CSMD3: variants seen among roughly 807,000 people sequenced by gnomAD.
The protein encoded by CSMD3 is CUB and sushi domain-containing protein 3.
Under a neutral mutation model 435.2 loss-of-function variants are expected in CSMD3, and 177 were observed. The ratio of observed to expected loss-of-function variants is 0.41; its 90% confidence interval spans 0.36 to 0.46. The LOEUF (loss-of-function observed/expected upper bound fraction) is 0.46. Ranked by LOEUF, CSMD3 falls within the 20% of genes least tolerant of loss-of-function variation. CSMD3 has a pLI of 0.34. For synonymous variants in CSMD3, 1,656 were observed against 1,520.5 expected (o/e 1.09, Z -2.07); for missense variants, 4,265 against 4,504.6 (o/e 0.95, Z 1.52).
intron 32 of CSMD3, among the ~76,000 whole-genome samples, chr8:112,469,209 G>T: frequency 7.4e-6 from 1 of 135,202 alleles, no homozygotes; most frequent in African/African-American, 2.8e-5. Flanking sequence ...TGACCTGTAA[G>T]AAACACAAGT....
chr8:112,953,455 T>G (rs1252965532), intron 8 of CSMD3, among the ~76,000 whole-genome samples: 4 of 151,456 alleles, frequency 2.6e-5, no homozygotes. Context: ...CCAAAATACA[T>G]GAAGAAATAT....
At chr8:113,246,652 T>C (rs1280663299) in intron 3 of CSMD3, among the ~76,000 whole-genome samples, 1 of 152,140 alleles carries the variant, frequency 6.6e-6, no homozygotes, top group Non-Finnish European at 1.5e-5. Context: ...TAACTTGCAG[T>C]TGAGAACTAG....
At chr8:112,494,566 T>C (rs1821138375) in intron 30 of CSMD3, among the ~76,000 whole-genome samples, 1 of 147,446 alleles carries the variant, frequency 6.8e-6, no homozygotes, top group Non-Finnish European at 1.5e-5. Flanking sequence ...TTTCTTTCTT[T>C]CTTTCTTTTC....
At chr8:112,603,874 A>G (rs1052003110) in intron 22 of CSMD3, among the ~76,000 whole-genome samples, 1 of 152,182 alleles carries the variant, frequency 6.6e-6, no homozygotes, top group Non-Finnish European at 1.5e-5. Context: ...TGTAAGGAAT[A>G]TATTAGGTAA....
At chr8:112,498,511 T>C (rs538661955) in intron 30 of CSMD3, among the ~76,000 whole-genome samples, 1 of 152,218 alleles carries the variant, frequency 6.6e-6, no homozygotes, top group South Asian at 2.1e-4. Context: ...ACATGGTGTG[T>C]TACCTAGAGA....
chr8:113,050,498 A>G (rs2088040432), intron 5 of CSMD3, among the ~76,000 whole-genome samples: 1 of 152,106 alleles, frequency 6.6e-6, no homozygotes, highest in African/African-American at 2.4e-5. Context: ...AGACTACCAC[A>G]TCTTAAATAA....
intron 22 of CSMD3, among the ~76,000 whole-genome samples, chr8:112,604,249 T>G (rs1285257515): frequency 6.6e-6 from 1 of 152,192 alleles, no homozygotes; most frequent in Non-Finnish European, 1.5e-5. Context: ...CCAGGTAGTG[T>G]GATGCCTCCA....
intron 3 of CSMD3, among the ~76,000 whole-genome samples, chr8:113,252,531 G>A (rs1223142905): frequency 6.6e-6 from 1 of 151,766 alleles, no homozygotes; most frequent in Admixed American, 6.6e-5. Context: ...ATACAGATAG[G>A]ATACTCTGCA....
intron 9 of CSMD3, among the ~76,000 whole-genome samples, chr8:112,941,602 A>G (rs1304446397): frequency 1.3e-5 from 2 of 151,790 alleles, no homozygotes; most frequent in African/African-American, 2.4e-5. Flanking sequence ...TTTTCATTCA[A>G]AGAGATTACT....
At chr8:112,907,152 A>G (rs978296430) in intron 10 of CSMD3, among the ~76,000 whole-genome samples, 1 of 151,516 alleles carries the variant, frequency 6.6e-6, no homozygotes, top group Admixed American at 6.6e-5. Flanking sequence ...GACAAAATCC[A>G]TAAGTACTGC....
intron 5 of CSMD3, among the ~76,000 whole-genome samples, chr8:113,026,743 T>C (rs1289528748): frequency 6.6e-6 from 1 of 152,186 alleles, no homozygotes; most frequent in Non-Finnish European, 1.5e-5. Context: ...ATATTATTAT[T>C]AAATGTTTTA....
chr8:113,299,436 G>C (rs181555661), intron 2 of CSMD3, among the ~76,000 whole-genome samples: 58 of 152,218 alleles, frequency 3.8e-4, no homozygotes, highest in African/African-American at 1.3e-3. Flanking sequence ...AGATTCCATG[G>C]TCTAGAAATC....
At position 113,225,954 on chromosome 8, in the gene CSMD3, AC is replaced by A. The variant is rs1174241807; in HGVS notation, c.515-52039del. On this transcript the variant is annotated intron_variant, in intron 3 of 70. Coordinates refer to ENST00000297405, the MANE Select transcript of CSMD3 (RefSeq NM_198123.2). ...CCTGCTGTCCTCATGATAGTGAGTG[AC>A]TTCTCACGAGATCTGATGGTTTTAT... Among the ~76,000 whole-genome samples the A allele has an allele frequency of 2.6e-5, 4 of 151,344 alleles. No homozygotes were observed. In the Admixed American group the frequency reaches 2.6e-4, roughly 10 times the overall value.
intron 1 of CSMD3, among the ~76,000 whole-genome samples, chr8:113,339,595 G>A (rs958952826): frequency 6.6e-6 from 1 of 151,904 alleles, no homozygotes; most frequent in African/African-American, 2.4e-5. Context: ...CATAAATAAT[G>A]TATATTCTTC....
intron 5 of CSMD3, among the ~76,000 whole-genome samples, chr8:113,089,107 A>G (rs1474013607): frequency 1.3e-5 from 2 of 152,058 alleles, no homozygotes; most frequent in African/African-American, 4.8e-5. Flanking sequence ...GCAGTGAACC[A>G]TGGACTAAAG....
intron 13 of CSMD3, among the ~76,000 whole-genome samples, chr8:112,772,747 A>C (rs1033682782): frequency 2.6e-5 from 4 of 152,064 alleles, no homozygotes; most frequent in Admixed American, 6.6e-5. Flanking sequence ...AGATAGGGGA[A>C]AACCGCCTTA....
intron 3 of CSMD3, among the ~76,000 whole-genome samples, chr8:113,274,205 T>C (rs865791766): frequency 6.6e-6 from 1 of 152,044 alleles, no homozygotes; most frequent in Non-Finnish European, 1.5e-5. Context: ...TATTGATTTT[T>C]TTGCTATTAA....
At position 113,330,860 on chromosome 8, in the gene CSMD3, T is replaced by C. The variant is rs531624684; in HGVS notation, c.179-16067A>G. 9.2e-5 allele frequency among the ~76,000 whole-genome samples: 14 copies of C among 151,970 alleles called. No individual in the cohort carries two copies. The South Asian group carries it at 2.7e-3, about 29-fold the overall frequency. On this transcript the variant is annotated intron_variant, in intron 1 of 70. Transcript: ENST00000297405. ...GTCTTTAATTCTCTGCTTTCAGTAA[T>C]GGATATAACAACAAAGCAGCATATC...
intron 61 of CSMD3, among the ~76,000 whole-genome samples, chr8:112,256,254 A>G (rs1477237921): frequency 6.6e-6 from 1 of 152,114 alleles, no homozygotes; most frequent in Non-Finnish European, 1.5e-5. Flanking sequence ...AAACATAATT[A>G]GCAAGTTTAA....
Sources: allele counts gnomAD v4.1 joint callset (sites outside exome capture counted in the v4.1 genomes callset), GRCh38; gene constraint gnomAD v4.1.1; transcripts MANE v1.5; gene names NCBI Gene and HGNC (gene_info 2026-07-23, HGNC 2026-07-21).